ENO4: variants seen among roughly 807,000 people sequenced by gnomAD.
ENO4 encodes the protein 2-phospho-D-glycerate hydro-lyase.
In ENO4, 53 loss-of-function variants were observed where a neutral mutation model predicts 63.2. The observed-to-expected ratio is 0.84, with a 90% CI of 0.67 to 1.05. The LOEUF is 1.05. ENO4 is among the 50% of genes least tolerant of loss of function. The pLI, the probability that ENO4 is intolerant of heterozygous loss-of-function variation, is 0.00. For synonymous variants in ENO4, 266 were observed against 283.8 expected (o/e 0.94, Z 0.63); for missense variants, 719 against 772.0 (o/e 0.93, Z 0.81).
chr10:116,870,718 A>T (rs935855274), intron 8 of ENO4, among the ~76,000 whole-genome samples: 1 of 152,204 alleles, frequency 6.6e-6, no homozygotes, highest in African/African-American at 2.4e-5. Flanking sequence ...AGAAAACAGA[A>T]CATACGAAAG....
At chr10:116,855,549 A>T in intron 1 of ENO4, 74 bp from the exon 2 acceptor site, 1 of 1,512,286 alleles carries the variant, frequency 6.6e-7, no homozygotes, top group East Asian at 2.5e-5. Context: ...GATAAAGTAG[A>T]TATGGTATTG....
chr10:116,898,304 G>A (rs932687925), intron 10 of ENO4, among the ~76,000 whole-genome samples: 1 of 151,534 alleles, frequency 6.6e-6, no homozygotes, highest in Non-Finnish European at 1.5e-5. Context: ...CTCCAGCCTG[G>A]GCGACAGCAA....
chr10:116,905,678 C>T (rs1321191439), intron 10 of ENO4, among the ~76,000 whole-genome samples: 1 of 152,160 alleles, frequency 6.6e-6, no homozygotes, highest in Non-Finnish European at 1.5e-5. Context: ...TGTGACTCAG[C>T]ATTTTCCAGA....
intron 9 of ENO4, among the ~76,000 whole-genome samples, chr10:116,872,057 C>T (rs534244765): frequency 3.3e-5 from 5 of 152,104 alleles, no homozygotes; most frequent in Admixed American, 6.5e-5. Flanking sequence ...ATTAGCTGGG[C>T]GTGGTGGTGG....
chr10:116,859,741 T>C (rs565026806), intron 4 of ENO4, among the ~76,000 whole-genome samples: 4 of 152,206 alleles, frequency 2.6e-5, no homozygotes, highest in African/African-American at 9.6e-5. Context: ...GCATGAATCA[T>C]GTTTATTCCA....
chr10:116,860,963 G>A lies in ENO4; in HGVS notation c.804G>A (p.Gln268=). The A allele has an allele frequency of 6.5e-7, 1 of 1,538,042 alleles. No homozygotes were observed. Among genetic ancestry groups the A allele is most frequent in the African/African-American group, 1.4e-5 (1 of 72,888 alleles). ...YLNIALLKHN[Q]EQPTTLSMPL... Reference sequence around the variant, plus strand: ...ATATCGCTCTACTGAAGCACAATCAGGTTAGTATCTATGAAGTTCCATTAA... The same window carrying A: ...ATATCGCTCTACTGAAGCACAATCAAGTTAGTATCTATGAAGTTCCATTAA... The change falls in exon 5 of 14, where the codon CAG becomes CAA. Residue 268 remains glutamine, a splice_region_variant and synonymous_variant. Coordinates refer to ENST00000341276, the MANE Select transcript of ENO4 (RefSeq NM_001242699.2).
intron 7 of ENO4, among the ~76,000 whole-genome samples, chr10:116,865,407 G>A (rs1405602319): frequency 3.9e-5 from 6 of 151,948 alleles, no homozygotes; most frequent in South Asian, 4.2e-4. Flanking sequence ...GGCTGGTCTC[G>A]AACTCCTGAC....
Position 116,859,000 on chromosome 10 carries a change from G to A in ENO4, c.496G>A (p.Ala166Thr), listed in dbSNP as rs368025714. The A allele has an allele frequency of 4.0e-5, 61 of 1,532,898 alleles. 1 individual carries two copies. The highest frequency in any genetic ancestry group is 1.7e-4 in the East Asian group (7 of 40,816). 95.0% of individuals were successfully genotyped at this position (1,532,898 alleles called of 1,614,324 possible). A position where few individuals can be genotyped will look rare whatever the true frequency, so the allele number is the denominator to read the frequency against. Residue 166 changes from alanine (A) to threonine (T), a missense_variant, in exon 4 of 14, where the codon GCA becomes ACA. Around this residue, in one of 3 missense-constraint regions of ENO4, gnomAD observed 544 missense variants for 583.6 expected, o/e 0.93. Coordinates refer to ENST00000341276, the MANE Select transcript of ENO4 (RefSeq NM_001242699.2). The part of the protein sequence containing the change: ...EVDHLLRIFF[A>T]SKVQEDKGRK... ...TTTCTTGCTATTAAGGATATTCTTC[G>A]CAAGTAAAGTACAAGAAGATAAGGG... is the stretch of plus-strand genomic sequence containing the variant.
At chr10:116,861,553 C>T (rs1325556059) in intron 6 of ENO4, among the ~76,000 whole-genome samples, 2 of 152,176 alleles carry the variant, frequency 1.3e-5, no homozygotes, top group Non-Finnish European at 2.9e-5. Flanking sequence ...CCTAGCAGCC[C>T]ACTCTGTTAA....
At chr10:116,851,389 C>T (rs1846078992) in intron 1 of ENO4, among the ~76,000 whole-genome samples, 1 of 152,168 alleles carries the variant, frequency 6.6e-6, no homozygotes, top group African/African-American at 2.4e-5. Context: ...TCAGGAATTG[C>T]AGAGGCAAAA....
chr10:116,884,132 T>G, downstream of ENO4: 1 of 435,382 alleles, frequency 2.3e-6, no homozygotes, highest in Non-Finnish European at 4.7e-6. Context: ...TGCAGTCTTT[T>G]CCAACTTAAA....
chr10:116,877,348 A>G (rs1342348571), intron 11 of ENO4, among the ~76,000 whole-genome samples: 1 of 152,190 alleles, frequency 6.6e-6, no homozygotes, highest in Non-Finnish European at 1.5e-5. Context: ...GAATTACTTA[A>G]TTGAAAATAA....
chr10:116,900,706 G>C, intron 10 of ENO4: 1 of 984,190 alleles, frequency 1.0e-6, no homozygotes, highest in Non-Finnish European at 1.2e-6. Flanking sequence ...GAAAGATGGA[G>C]AATGAATATA....
chr10:116,862,851 T>A lies in ENO4; in HGVS notation c.989T>A (p.Met330Lys). The change falls in exon 7 of 14, where the codon ATG becomes AAG. Residue 330 changes from methionine to lysine, a missense_variant and splice_region_variant. Met to Lys is a moderately conservative substitution (Grantham distance 95, BLOSUM62 -1). Coordinates refer to ENST00000341276, the MANE Select transcript of ENO4 (RefSeq NM_001242699.2). ...MQKHINKIIE[M>K]PSPPKAETKK... ...AAACATATCAACAAAATAATTGAAA[T>A]GGTATGTAAAGAGATTCTATGTTAT... 6.5e-7 allele frequency: 1 copy of A among 1,543,086 alleles called. No individual in the cohort carries two copies. Among genetic ancestry groups the A allele is most frequent in the Middle Eastern group, 1.7e-4 (1 of 5,976 alleles).
chr10:116,901,565 A>C (rs754282014), intron 10 of ENO4: 1 of 985,416 alleles, frequency 1.0e-6, no homozygotes, highest in Non-Finnish European at 1.2e-6. Flanking sequence ...CTCTTTGTAC[A>C]TGGTACTTGC....
rs1467673975 is a variant in ENO4, at chr10:116,859,015, GAAGAT to G, written c.515_519del (p.Asp172GlyfsTer56). ...GATATTCTTCGCAAGTAAAGTACAA[GAAGAT>G]AAGGGGAGAAAAGAATTGGAAAAGA... On this transcript the variant is annotated frameshift_variant, in exon 4 of 14. Coordinates refer to ENST00000341276, the MANE Select transcript of ENO4 (RefSeq NM_001242699.2). LOFTEE classifies it high-confidence loss of function. 8 of 1,535,200 alleles carry G rather than the reference GAAGAT, an allele frequency of 5.2e-6. No individual in the cohort carries two copies. The highest frequency in any genetic ancestry group is 3.9e-5 in the Admixed American group (2 of 50,924).
chr10:116,862,766 A>G, intron 6 of ENO4, 33 bp from the exon 7 acceptor site: 1 of 1,525,992 alleles, frequency 6.6e-7, no homozygotes, highest in South Asian at 1.2e-5. Flanking sequence ...TCTAGTCTGC[A>G]ACTGTGGAAG....
chr10:116,890,837 T>G (rs1253123065), intron 10 of ENO4, among the ~76,000 whole-genome samples: 1 of 152,222 alleles, frequency 6.6e-6, no homozygotes, highest in Non-Finnish European at 1.5e-5. Flanking sequence ...ATGCCAACGC[T>G]GAACTTTACA....
chr10:116,906,447 ATATC>A (rs1398794289), intron 10 of ENO4, among the ~76,000 whole-genome samples: 2 of 152,244 alleles, frequency 1.3e-5, no homozygotes, highest in Non-Finnish European at 2.9e-5. Context: ...ATAAATAAAA[ATATC>A]TAAGAGTTCT....
Sources: gnomAD v4.1 joint callset for allele counts (sites outside exome capture counted in the v4.1 genomes callset) on GRCh38, gnomAD v4.1.1 for gene constraint, gnomAD v4.1.1 regional missense constraint, MANE v1.5 for transcripts, NCBI Gene and HGNC (gene_info 2026-07-23, HGNC 2026-07-21) for gene names.